The following GALNT17 variants were observed in gnomAD, a reference collection of about 807,000 sequenced individuals.
GALNT17 encodes polypeptide N-acetylgalactosaminyltransferase 17, also known as UDP-GalNAc:polypeptide N-acetylgalactosaminyltransferase-like 3.
Under a neutral mutation model 63.7 loss-of-function variants are expected in GALNT17, and 29 were observed. That is an observed-to-expected ratio of 0.46 (90% CI 0.34 to 0.62). The LOEUF is 0.62. Among genes scored for constraint, GALNT17 ranks in the 20% least tolerant of loss-of-function variants. GALNT17 has a pLI of 0.01. For synonymous variants in GALNT17, 305 were observed against 318.3 expected (o/e 0.96, Z 0.45); for missense variants, 603 against 799.6 (o/e 0.75, Z 2.97).
At chr7:71,276,597 T>C (rs1256630787) in intron 1 of GALNT17, among the ~76,000 whole-genome samples, 1 of 152,202 alleles carries the variant, frequency 6.6e-6, no homozygotes, top group African/African-American at 2.4e-5. Context: ...TCCTCTTGCC[T>C]ACCACCATGT....
chr7:71,235,367 C>A (rs1326739644), intron 1 of GALNT17, among the ~76,000 whole-genome samples: 1 of 152,076 alleles, frequency 6.6e-6, no homozygotes, highest in African/African-American at 2.4e-5. Context: ...CACCCGCAAC[C>A]GTCATCTTAA....
intron 1 of GALNT17, among the ~76,000 whole-genome samples, chr7:71,242,584 C>T (rs1790019348): frequency 6.6e-6 from 1 of 152,058 alleles, no homozygotes; most frequent in African/African-American, 2.4e-5. Context: ...CACATTTCAA[C>T]ATGGAGATTT....
chr7:71,169,711 A>G (rs1788510003), intron 1 of GALNT17, among the ~76,000 whole-genome samples: 1 of 151,954 alleles, frequency 6.6e-6, no homozygotes, highest in Non-Finnish European at 1.5e-5. Flanking sequence ...GCATGCCATC[A>G]CGCCTGGCTA....
intron 6 of GALNT17, among the ~76,000 whole-genome samples, chr7:71,582,368 A>T (rs898412695): frequency 6.6e-6 from 1 of 150,926 alleles, no homozygotes; most frequent in Non-Finnish European, 1.5e-5. Flanking sequence ...AGATCAGGAG[A>T]TGGAGATCAT....
At chr7:71,417,256 A>G (rs1786552390) in intron 4 of GALNT17, among the ~76,000 whole-genome samples, 2 of 152,234 alleles carry the variant, frequency 1.3e-5, no homozygotes, top group Non-Finnish European at 2.9e-5. Flanking sequence ...AACAACCTCT[A>G]GAATCCTTTT....
chr7:71,295,656 T>C (rs1014398173), intron 1 of GALNT17, among the ~76,000 whole-genome samples: 1 of 151,904 alleles, frequency 6.6e-6, no homozygotes, highest in Middle Eastern at 3.4e-3. Context: ...TAGAGTTCCA[T>C]AGAATGGTCA....
intron 9 of GALNT17, among the ~76,000 whole-genome samples, chr7:71,702,694 G>A (rs931237668): frequency 1.3e-5 from 2 of 152,144 alleles, no homozygotes; most frequent in African/African-American, 4.8e-5. Context: ...AGGGGGAACT[G>A]GGGAACCAGT....
intron 5 of GALNT17, among the ~76,000 whole-genome samples, chr7:71,529,102 T>C (rs1348285614): frequency 6.6e-6 from 1 of 152,064 alleles, no homozygotes; most frequent in Non-Finnish European, 1.5e-5. Context: ...ACCACTGCAC[T>C]CCAGCCTGGG....
At chr7:71,495,736 G>C (rs1788083657) in intron 5 of GALNT17, among the ~76,000 whole-genome samples, 1 of 152,140 alleles carries the variant, frequency 6.6e-6, no homozygotes, top group African/African-American at 2.4e-5. Flanking sequence ...TCCTCTGCTT[G>C]AATTGGGCAT....
At chr7:71,248,327 C>A (rs1790137730) in intron 1 of GALNT17, among the ~76,000 whole-genome samples, 1 of 152,110 alleles carries the variant, frequency 6.6e-6, no homozygotes, top group Non-Finnish European at 1.5e-5. Context: ...GTGGGTATTA[C>A]AATTTGAGAT....
chr7:71,569,826 T>C (rs1319691733), intron 5 of GALNT17, among the ~76,000 whole-genome samples: 1 of 152,200 alleles, frequency 6.6e-6, no homozygotes, highest in Non-Finnish European at 1.5e-5. Context: ...TTGTGAATAT[T>C]GCTGCAATGA....
intron 1 of GALNT17, among the ~76,000 whole-genome samples, chr7:71,223,442 A>G (rs1343200009): frequency 6.6e-6 from 1 of 152,108 alleles, no homozygotes; most frequent in African/African-American, 2.4e-5. Flanking sequence ...CTTCTTGCTC[A>G]AATTGTTCTA....
intron 9 of GALNT17, among the ~76,000 whole-genome samples, chr7:71,706,011 G>T (rs1450237211): frequency 2.0e-5 from 3 of 152,144 alleles, no homozygotes; most frequent in African/African-American, 7.2e-5. Context: ...TGGACATTTG[G>T]TTGACAGCAG....
At chr7:71,205,157 T>G (rs1393236323) in intron 1 of GALNT17, among the ~76,000 whole-genome samples, 1 of 121,946 alleles carries the variant, frequency 8.2e-6, no homozygotes, top group African/African-American at 5.0e-5. Flanking sequence ...TTTTACTTTT[T>G]TTTTTTTTTT....
intron 5 of GALNT17, among the ~76,000 whole-genome samples, chr7:71,441,247 T>C (rs1787061915): frequency 6.6e-6 from 1 of 152,108 alleles, no homozygotes; most frequent in Admixed American, 6.6e-5. Flanking sequence ...GATCTCTATC[T>C]CTTGACCTCG....
At chr7:71,451,534 C>T (rs1787262863) in intron 5 of GALNT17, among the ~76,000 whole-genome samples, 2 of 151,954 alleles carry the variant, frequency 1.3e-5, no homozygotes, top group African/African-American at 4.8e-5. Flanking sequence ...ATTCTCGGTT[C>T]CCCTCTTTCC....
chr7:71,461,433 T>C (rs1255179140), intron 5 of GALNT17, among the ~76,000 whole-genome samples: 1 of 152,240 alleles, frequency 6.6e-6, no homozygotes, highest in African/African-American at 2.4e-5. Context: ...AGTACCTTTT[T>C]AATGACTTCT....
intron 1 of GALNT17, among the ~76,000 whole-genome samples, chr7:71,295,645 G>C (rs2115845255): frequency 6.7e-6 from 1 of 149,096 alleles, no homozygotes; most frequent in East Asian, 2.0e-4. Context: ...TCCCTGTCTG[G>C]TAGAGTTCCA....
chr7:71,691,622 G>C (rs1365489403), intron 9 of GALNT17, among the ~76,000 whole-genome samples: 1 of 152,166 alleles, frequency 6.6e-6, no homozygotes, highest in Non-Finnish European at 1.5e-5. Flanking sequence ...GTTTTCCAGT[G>C]GAGATTGTGA....
Sources: gnomAD v4.1 joint callset for allele counts (sites outside exome capture counted in the v4.1 genomes callset) on GRCh38, gnomAD v4.1.1 for gene constraint, MANE v1.5 for transcripts, NCBI Gene and HGNC (gene_info 2026-07-23, HGNC 2026-07-21) for gene names.